RUFY2: variants seen among roughly 807,000 people sequenced by gnomAD.
RUFY2 encodes the protein RUN and FYVE domain containing 2, also known as RUN and FYVE domain-containing protein 2.
A neutral mutation model predicts 94.4 loss-of-function variants in RUFY2; 49 were observed. The ratio of observed to expected loss-of-function variants is 0.52; its 90% CI spans 0.41 to 0.66. The LOEUF is 0.66. Ranked by LOEUF, RUFY2 falls within the 30% of genes least tolerant of loss-of-function variation. The pLI is 0.00. For missense variants in RUFY2, 541 were observed against 692.8 expected (o/e 0.78, Z 2.46); for synonymous variants, 255 against 235.7 (o/e 1.08, Z -0.75).
chr10:68,379,265 G>C (rs928447200), intron 12 of RUFY2, 159 bp downstream of exon 12: 1 of 551,916 alleles, frequency 1.8e-6, no homozygotes, highest in African/African-American at 2.0e-5. Flanking sequence ...TTGATTCCAT[G>C]CAACAACCAA....
chr10:68,363,349 G>A (rs1025969479), intron 15 of RUFY2, among the ~76,000 whole-genome samples: 1 of 152,026 alleles, frequency 6.6e-6, no homozygotes, highest in African/African-American at 2.4e-5. Flanking sequence ...GCTAATTTTT[G>A]CATTTTTAGT....
At chr10:68,358,158 A>G (rs1372493173) in intron 15 of RUFY2, among the ~76,000 whole-genome samples, 1 of 152,214 alleles carries the variant, frequency 6.6e-6, no homozygotes, top group Non-Finnish European at 1.5e-5. Flanking sequence ...ACTGCCTTCC[A>G]GCTTGAGCAA....
At chr10:68,352,533 T>C (rs1012012610) in intron 16 of RUFY2, among the ~76,000 whole-genome samples, 1 of 152,232 alleles carries the variant, frequency 6.6e-6, no homozygotes, top group African/African-American at 2.4e-5. Context: ...ACCAAGTACC[T>C]GATATATTTT....
intron 6 of RUFY2, 84 bp from the exon 7 acceptor site, chr10:68,393,287 T>C (rs745821417): frequency 6.3e-6 from 4 of 634,308 alleles, no homozygotes; most frequent in Middle Eastern, 4.2e-4. Flanking sequence ...AAAATTATTA[T>C]AAAACTAAAA....
chr10:68,388,193 C>T (rs1012752112), intron 7 of RUFY2, among the ~76,000 whole-genome samples: 3 of 151,466 alleles, frequency 2.0e-5, no homozygotes, highest in East Asian at 2.0e-4. Context: ...AGGCCAGGCA[C>T]GGTGGCTCCA....
chr10:68,348,031 CTTA>C (rs1384443606), intron 16 of RUFY2, among the ~76,000 whole-genome samples: 10 of 151,948 alleles, frequency 6.6e-5, no homozygotes, highest in Admixed American at 4.6e-4. Context: ...ATAACTAGCA[CTTA>C]TTATACAGCA....
intron 13 of RUFY2, among the ~76,000 whole-genome samples, chr10:68,367,741 T>C (rs546644273): frequency 2.3e-4 from 29 of 124,290 alleles, no homozygotes; most frequent in South Asian, 1.5e-3. Flanking sequence ...TCCCTCCCTC[T>C]CTCTCTCTCT....
In RUFY2 at chr10:68,381,372, C is replaced by T. The variant is rs2049045233; in HGVS notation, c.967G>A (p.Val323Ile). ...QDVENELAVQ[V>I]SMKHEIELAM... is the part of the protein sequence containing the mutation. ...AGTTCAATCTCATGCTTCATACTAA[C>T]TTGTACTGCTAGCTCATTCTCTACA... The change falls in exon 11 of 18, where the codon GTT becomes ATT. Residue 323 changes from valine to isoleucine, a missense_variant. By Grantham distance (29) the Val-to-Ile change is conservative (BLOSUM62 3). This residue lies in a region of RUFY2 where 403 missense variants were observed against 480.7 expected (regional missense o/e 0.84). Transcript: ENST00000602465. 1 of 1,613,474 alleles carries T rather than the reference C, an allele frequency of 6.2e-7. No homozygotes were observed. Among genetic ancestry groups the T allele is most frequent in the African/African-American group, 1.3e-5 (1 of 75,030 alleles).
At chr10:68,378,504 A>C (rs1564819213) in intron 12 of RUFY2, 1 of 1,428,668 alleles carries the variant, frequency 7.0e-7, no homozygotes, top group African/African-American at 1.5e-5. Flanking sequence ...TTTCTATTTA[A>C]TATATTATAA....
intron 15 of RUFY2, among the ~76,000 whole-genome samples, chr10:68,357,430 T>C (rs1266442622): frequency 6.6e-6 from 1 of 151,902 alleles, no homozygotes; most frequent in African/African-American, 2.4e-5. Context: ...GGTTTTTCCA[T>C]GTTGGCCAAG....
At chr10:68,401,831 A>G (rs1046387072) in intron 2 of RUFY2, 94 bp from the exon 3 acceptor site, 7 of 752,360 alleles carry the variant, frequency 9.3e-6, no homozygotes, top group Admixed American at 6.6e-5. Context: ...CTAACTTAAC[A>G]TACAATTATT....
intron 15 of RUFY2, 22 bp from the exon 16 acceptor site, chr10:68,355,423 C>G: frequency 6.6e-7 from 1 of 1,506,010 alleles, no homozygotes; most frequent in Non-Finnish European, 9.2e-7. Flanking sequence ...ACAAATAGGT[C>G]CAAATTTCAG....
At chr10:68,352,845 G>A (rs753209038) in intron 16 of RUFY2, among the ~76,000 whole-genome samples, 2 of 151,632 alleles carry the variant, frequency 1.3e-5, no homozygotes, top group South Asian at 2.1e-4. Context: ...ACTTGAACCC[G>A]GGAGGTGGAG....
intron 7 of RUFY2, among the ~76,000 whole-genome samples, chr10:68,386,452 C>T (rs1027159129): frequency 4.6e-5 from 7 of 152,166 alleles, no homozygotes; most frequent in African/African-American, 1.7e-4. Flanking sequence ...TGGGTTCAAA[C>T]TATTCTTCTG....
At chr10:68,341,353 A>G, downstream of RUFY2, 1 of 1,566,582 alleles carries the variant, frequency 6.4e-7, no homozygotes, top group Non-Finnish European at 8.6e-7. Context: ...CTAAACGTGA[A>G]TTTATAAAAT....
chr10:68,381,395 A>G lies in RUFY2; in HGVS notation c.944T>C (p.Val315Ala). The G allele has an allele frequency of 1.9e-6, 3 of 1,607,200 alleles. No individual in the cohort carries two copies. The highest frequency in any genetic ancestry group is 2.5e-6 in the Non-Finnish European group (3 of 1,177,832). ...AACTTGTACTGCTAGCTCATTCTCT[A>G]CATCCTGCAATTTCAATGTATCCTC... Reference protein sequence around the residue: ...LRDESQLRQDVENELAVQVSM... With the variant: ...LRDESQLRQDAENELAVQVSM... Residue 315 changes from valine (V) to alanine (A), a missense_variant, in exon 11 of 18, where the codon GTA becomes GCA. This residue lies in a region of RUFY2 where 403 missense variants were observed against 480.7 expected (regional missense o/e 0.84). Coordinates refer to ENST00000602465, the MANE Select transcript of RUFY2 (RefSeq NM_001330103.2).
intron 9 of RUFY2, 46 bp downstream of exon 9, chr10:68,384,005 T>C: frequency 2.5e-6 from 4 of 1,585,662 alleles, no homozygotes; most frequent in Non-Finnish European, 3.5e-6. Flanking sequence ...CCAAAAATGG[T>C]AATTTCTGAC....
intron 16 of RUFY2, among the ~76,000 whole-genome samples, chr10:68,351,227 G>GCTCAAGCAATTCTCCTGC (rs927091946): frequency 7.0e-6 from 1 of 142,548 alleles, no homozygotes; most frequent in African/African-American, 2.6e-5. Flanking sequence ...CACCTTCCGG[G>GCTCAAGCAATTCTCCTGC]CTCAAGCAAT....
intron 7 of RUFY2, among the ~76,000 whole-genome samples, chr10:68,387,148 G>T (rs1178073436): frequency 6.6e-6 from 1 of 152,000 alleles, no homozygotes; most frequent in Non-Finnish European, 1.5e-5. Flanking sequence ...CCTGAAGTCA[G>T]GAGTTGGAGA....
Sources: allele counts gnomAD v4.1 joint callset (sites outside exome capture counted in the v4.1 genomes callset), GRCh38; gene constraint gnomAD v4.1.1; regional missense constraint gnomAD v4.1.1; transcripts MANE v1.5; gene names NCBI Gene and HGNC (gene_info 2026-07-23, HGNC 2026-07-21).